Variants in ADGRL4 observed in about 807,000 individuals in gnomAD.
ADGRL4 encodes EGF, latrophilin and seven transmembrane domain containing 1.
ADGRL4 carries 90 observed loss-of-function variants against 74.8 expected under a neutral mutation model. That is an observed-to-expected ratio of 1.20 (90% CI 1.02 to 1.43). ADGRL4 has a LOEUF of 1.43. Among genes scored for constraint, ADGRL4 ranks in the 40% most tolerant of loss-of-function variants. The probability of loss-of-function intolerance (pLI) is 0.00; values close to 1 mark genes in which losing one functional copy is unlikely to be tolerated. For synonymous variants in ADGRL4, 311 were observed against 279.2 expected (o/e 1.11, Z -1.14); for missense variants, 881 against 814.3 (o/e 1.08, Z -1.00).
chr1:78,958,193 C>T (rs1169986591), intron 2 of ADGRL4, among the ~76,000 whole-genome samples: 1 of 152,020 alleles, frequency 6.6e-6, no homozygotes, highest in Non-Finnish European at 1.5e-5. Flanking sequence ...TGGAGATGTC[C>T]CAGAAAATGA....
chr1:78,891,290 T>C (rs1648267403), intron 14 of ADGRL4, 74 bp from the exon 15 acceptor site: 9 of 1,455,092 alleles, frequency 6.2e-6, no homozygotes, highest in African/African-American at 2.8e-5. Flanking sequence ...CAAATCACAA[T>C]AAATTGTTAC....
chr1:78,939,222 C>G lies in ADGRL4; in HGVS notation c.362G>C (p.Cys121Ser), dbSNP rs1649424798. Residue 121 changes from cysteine (C) to serine (S), a missense_variant, in exon 4 of 15, where the codon TGT (cysteine) becomes TCT (serine). Coordinates refer to ENST00000370742, the MANE Select transcript of ADGRL4 (RefSeq NM_022159.4). Reference sequence around the variant, plus strand: ...AGTTTTATTAATATTTGCAGCTATACAGACATTATCTAAATGGCAGTTTGC... The same window carrying G: ...AGTTTTATTAATATTTGCAGCTATAGAGACATTATCTAAATGGCAGTTTGC... ...VNANCHLDNV[C>S]IAANINKTLT... 1 of 1,566,566 alleles carries G rather than the reference C, an allele frequency of 6.4e-7. No individual in the cohort carries two copies. The highest frequency in any genetic ancestry group is 8.6e-7 in the Non-Finnish European group (1 of 1,159,086).
intron 3 of ADGRL4, among the ~76,000 whole-genome samples, chr1:78,943,982 T>A (rs1649543030): frequency 6.6e-6 from 1 of 152,168 alleles, no homozygotes; most frequent in African/African-American, 2.4e-5. Flanking sequence ...CCATTCCACC[T>A]TAACACAATA....
At chr1:78,933,519 C>T (rs1421795749) in intron 7 of ADGRL4, among the ~76,000 whole-genome samples, 1 of 151,294 alleles carries the variant, frequency 6.6e-6, no homozygotes, top group Non-Finnish European at 1.5e-5. Context: ...AAAACTGGTA[C>T]AAGATAAGGA....
At chr1:78,989,279 T>C (rs187420201) in intron 2 of ADGRL4, among the ~76,000 whole-genome samples, 59 of 151,876 alleles carry the variant, frequency 3.9e-4, no homozygotes, top group African/African-American at 1.4e-3. Context: ...AACCATCTTT[T>C]TTAGATAATT....
chr1:78,977,022 T>C (rs138315381), intron 2 of ADGRL4, among the ~76,000 whole-genome samples: 28 of 151,840 alleles, frequency 1.8e-4, no homozygotes, highest in African/African-American at 6.7e-4. Context: ...GAATCCTAAA[T>C]ATAATTGTAA....
chr1:78,967,362 C>G (rs1351183050), intron 2 of ADGRL4, among the ~76,000 whole-genome samples: 4 of 152,138 alleles, frequency 2.6e-5, no homozygotes, highest in African/African-American at 7.2e-5. Flanking sequence ...TGGAAGGAGT[C>G]AAACCTTGGC....
At chr1:79,006,528 G>T in intron 1 of ADGRL4, 105 bp downstream of exon 1, 1 of 1,315,750 alleles carries the variant, frequency 7.6e-7, no homozygotes, top group Non-Finnish European at 1.0e-6. Context: ...CGGAGATTTT[G>T]CCAAATACAC....
chr1:78,957,815 T>C (rs1649866105), intron 2 of ADGRL4, among the ~76,000 whole-genome samples: 1 of 151,956 alleles, frequency 6.6e-6, no homozygotes, highest in African/African-American at 2.4e-5. Flanking sequence ...AGCCTTCTAT[T>C]GGAAGAAGAT....
At chr1:78,944,068 T>TG (rs1649546088) in intron 3 of ADGRL4, among the ~76,000 whole-genome samples, 1 of 152,102 alleles carries the variant, frequency 6.6e-6, no homozygotes, top group Non-Finnish European at 1.5e-5. Context: ...TCAGTAATCT[T>TG]TGTGTTTTTG....
intron 2 of ADGRL4, among the ~76,000 whole-genome samples, chr1:78,965,319 C>T (rs2130195): frequency 0.49 from 74,124 of 151,794 alleles, 18,506 homozygotes; most frequent in Middle Eastern, 0.55. Context: ...ATTAACTATG[C>T]TAGAAAAAGA....
At chr1:78,967,393 A>G (rs1650078925) in intron 2 of ADGRL4, among the ~76,000 whole-genome samples, 1 of 152,220 alleles carries the variant, frequency 6.6e-6, no homozygotes, top group South Asian at 2.1e-4. Context: ...ACACAATTAA[A>G]ACAACTTACC....
At position 78,889,852 on chromosome 1, in the gene ADGRL4, A is replaced by G; in HGVS notation, c.*1302T>C. 1 of 465,472 alleles carries G rather than the reference A, an allele frequency of 2.1e-6. No individual in the cohort carries two copies. Among genetic ancestry groups the G allele is most frequent in the Non-Finnish European group, 4.5e-6 (1 of 224,528 alleles). 28.8% of individuals were successfully genotyped at this position (465,472 alleles called of 1,614,324 possible). ...GGAATTAATTTAAAATCACAAATTTAGTGTATTGGCACACTTTTACAGGTC... is the reference window on the plus strand; with the variant it reads ...GGAATTAATTTAAAATCACAAATTTGGTGTATTGGCACACTTTTACAGGTC... On this transcript the variant is annotated 3_prime_UTR_variant, in exon 15 of 15. Coordinates refer to ENST00000370742, the MANE Select transcript of ADGRL4 (RefSeq NM_022159.4).
intron 7 of ADGRL4, among the ~76,000 whole-genome samples, chr1:78,928,151 C>A (rs1303315899): frequency 1.3e-5 from 2 of 151,238 alleles, no homozygotes. Flanking sequence ...GAAGATGGTT[C>A]AAAATCAAAT....
At chr1:79,004,666 A>G (rs1032602180) in intron 2 of ADGRL4, among the ~76,000 whole-genome samples, 1 of 152,212 alleles carries the variant, frequency 6.6e-6, no homozygotes, top group Non-Finnish European at 1.5e-5. Flanking sequence ...GTACCTGTAT[A>G]TGTGGTATCA....
At chr1:78,997,747 C>T (rs906316104) in intron 2 of ADGRL4, among the ~76,000 whole-genome samples, 2 of 151,954 alleles carry the variant, frequency 1.3e-5, no homozygotes, top group Non-Finnish European at 2.9e-5. Context: ...AAATGACTCT[C>T]ATATTTATAA....
Position 78,927,023 on chromosome 1 carries a change from A to T in ADGRL4, c.946T>A (p.Leu316Ile). The change falls in exon 8 of 15, where the codon TTA (leucine) becomes ATA (isoleucine). Residue 316 changes from leucine to isoleucine, a missense_variant. Physicochemically the swap from Leu to Ile is conservative, Grantham distance 5. Coordinates refer to ENST00000370742, the MANE Select transcript of ADGRL4 (RefSeq NM_022159.4). ...TTATCATAATTTTGAGGTTTCAATA[A>T]GAAGTTGTCAGATGATGAAAGCAAA... ...GPLLSSSDNF[L>I]LKPQNYDNSE... 1 of 1,610,442 alleles carries T rather than the reference A, an allele frequency of 6.2e-7. No homozygotes were observed. Among genetic ancestry groups the T allele is most frequent in the Non-Finnish European group, 8.5e-7 (1 of 1,177,506 alleles).
chr1:79,001,785 G>A (rs1203393021), intron 2 of ADGRL4, among the ~76,000 whole-genome samples: 2 of 152,028 alleles, frequency 1.3e-5, no homozygotes, highest in South Asian at 2.1e-4. Flanking sequence ...AAGGGGATAC[G>A]ATAAATATTG....
At chr1:78,960,228 G>A (rs1649921642) in intron 2 of ADGRL4, among the ~76,000 whole-genome samples, 1 of 151,886 alleles carries the variant, frequency 6.6e-6, no homozygotes, top group Admixed American at 6.6e-5. Flanking sequence ...TTATATAATG[G>A]TTTTTCTAAA....
Sources: gnomAD v4.1 joint callset for allele counts (sites outside exome capture counted in the v4.1 genomes callset) on GRCh38, gnomAD v4.1.1 for gene constraint, MANE v1.5 for transcripts, NCBI Gene and HGNC (gene_info 2026-07-23, HGNC 2026-07-21) for gene names.